Variants in AOPEP observed in about 807,000 individuals in gnomAD.
The protein encoded by AOPEP is aminopeptidase O.
In AOPEP, 77 loss-of-function variants were observed where a neutral mutation model predicts 98.1. That is an observed-to-expected ratio of 0.78 (90% CI 0.65 to 0.95). The LOEUF (loss-of-function observed/expected upper bound fraction) is 0.95, where lower values mean the gene tolerates loss of function less well. Among genes scored for constraint, AOPEP ranks in the 40% least tolerant of loss-of-function variants. The pLI, the probability that AOPEP is intolerant of heterozygous loss-of-function variation, is 0.00. For missense variants in AOPEP, 1,024 were observed against 1,024.7 expected, an observed-to-expected ratio of 1.00 and a Z score of 0.01; for synonymous variants, 346 against 365.3, an observed-to-expected ratio of 0.95 and a Z score of 0.60.
chr9:95,023,985 G>A (rs2063655032), intron 13 of AOPEP, among the ~76,000 whole-genome samples: 1 of 152,208 alleles, frequency 6.6e-6, no homozygotes, highest in African/African-American at 2.4e-5. Flanking sequence ...TTTTCAAGTA[G>A]TTAAAAGGGT....
At chr9:95,085,195 G>T (rs771535109) in intron 16 of AOPEP, 33 of 484,494 alleles carry the variant, frequency 6.8e-5, no homozygotes, top group South Asian at 4.7e-4. Context: ...AGACAGCACG[G>T]GGTGGCGCTG....
chr9:94,949,175 A>G (rs1437095310), intron 7 of AOPEP, among the ~76,000 whole-genome samples: 3 of 152,186 alleles, frequency 2.0e-5, no homozygotes, highest in Non-Finnish European at 2.9e-5. Context: ...TTTTTTCTCC[A>G]TGTGGTGTTT....
chr9:94,983,276 G>A (rs1296482123), intron 11 of AOPEP, among the ~76,000 whole-genome samples: 2 of 152,084 alleles, frequency 1.3e-5, no homozygotes, highest in African/African-American at 4.8e-5. Context: ...GCCTGCCTTG[G>A]CCTCCCGAAG....
chr9:94,965,508 G>C (rs1480496010), intron 9 of AOPEP, among the ~76,000 whole-genome samples: 2 of 152,192 alleles, frequency 1.3e-5, no homozygotes, highest in Non-Finnish European at 2.9e-5. Flanking sequence ...TGTGATGATA[G>C]AAGAAGAACA....
chr9:94,886,092 A>G (rs531478788), intron 5 of AOPEP, among the ~76,000 whole-genome samples: 2 of 152,304 alleles, frequency 1.3e-5, no homozygotes, highest in South Asian at 4.1e-4. Context: ...GGTAAAATTA[A>G]AACCACAAAG....
At chr9:95,137,724 G>C in the AOPEP span, among the ~76,000 whole-genome samples, 1 of 152,244 alleles carries the variant, frequency 6.6e-6, no homozygotes, top group Admixed American at 6.5e-5. Flanking sequence ...ACACATTTGG[G>C]TGTCAGAACC....
intron 5 of AOPEP, among the ~76,000 whole-genome samples, chr9:94,840,239 TATTA>T (rs1162710887): frequency 7.9e-5 from 12 of 152,216 alleles, no homozygotes; most frequent in African/African-American, 2.9e-4. Context: ...GCTTTTTCTG[TATTA>T]ATTGACAGGA....
At chr9:94,984,474 T>C (rs2138835695) in intron 11 of AOPEP, among the ~76,000 whole-genome samples, 1 of 152,364 alleles carries the variant, frequency 6.6e-6, no homozygotes, top group South Asian at 2.1e-4. Context: ...CAAACATTTC[T>C]GATGAAAATT....
At chr9:94,760,604 GC>G (rs1445073576) in intron 2 of AOPEP, 24 bp downstream of exon 2, 1 of 1,515,888 alleles carries the variant, frequency 6.6e-7, no homozygotes, top group Non-Finnish European at 8.8e-7. Context: ...GCACTTCAAA[GC>G]CCTGTGCCTG....
intron 6 of AOPEP, among the ~76,000 whole-genome samples, chr9:94,926,859 C>G (rs987761625): frequency 8.5e-5 from 13 of 152,232 alleles, no homozygotes; most frequent in Admixed American, 7.2e-4. Flanking sequence ...CCACCTTCCA[C>G]TCAGAGAGGC....
chr9:95,126,834 A>C, the AOPEP span: 1 of 472,610 alleles, frequency 2.1e-6, no homozygotes, highest in South Asian at 2.2e-5. Context: ...TTTCTATAAA[A>C]GCTCAGGCGA....
chr9:94,779,832 C>G lies in AOPEP; in HGVS notation c.964+6664C>G, dbSNP rs2133105739. 1.3e-5 allele frequency among the ~76,000 whole-genome samples: 2 copies of G among 152,200 alleles called. 1 individual carries two copies. Among genetic ancestry groups the G allele is most frequent in the Middle Eastern group, 6.8e-3 (2 of 294 alleles). The stretch of plus-strand genomic sequence containing the variant: ...GCCACAAAATAATCCAGTTCTCCAC[C>G]ACTTGTCTTTCATCTCCCTGTAAAC... On this transcript the variant is annotated intron_variant, in intron 3 of 16. Coordinates refer to ENST00000375315, the MANE Select transcript of AOPEP (RefSeq NM_001193329.3).
At chr9:94,818,188 C>T (rs1452782548) in intron 5 of AOPEP, among the ~76,000 whole-genome samples, 1 of 152,198 alleles carries the variant, frequency 6.6e-6, no homozygotes, top group Non-Finnish European at 1.5e-5. Context: ...ATCTCCAGAA[C>T]TCTTGTGGAT....
chr9:94,773,249 C>CTA (rs1193872614), intron 3 of AOPEP, 81 bp downstream of exon 3: 3 of 1,220,894 alleles, frequency 2.5e-6, no homozygotes, highest in Non-Finnish European at 3.4e-6. Flanking sequence ...TTTTTCTAAA[C>CTA]TTTAAAGAGC....
chr9:95,085,609 C>G (rs1255841265), intron 16 of AOPEP: 1 of 410,674 alleles, frequency 2.4e-6, no homozygotes, highest in African/African-American at 2.1e-5. Context: ...CGCTGCTGCA[C>G]AGTCAGCTTG....
At chr9:95,103,722 G>A in the AOPEP span, among the ~76,000 whole-genome samples, 7 of 152,228 alleles carry the variant, frequency 4.6e-5, no homozygotes, top group African/African-American at 1.7e-4. Context: ...AGAGGATTCC[G>A]GGACAGCCGG....
chr9:95,065,233 C>G (rs960689104), intron 14 of AOPEP: 1 of 152,240 alleles, frequency 6.6e-6, no homozygotes, highest in Non-Finnish European at 1.5e-5. Context: ...CTTAGAAGTC[C>G]TTCCTCTTGT....
chr9:94,939,097 A>T (rs963208197), intron 7 of AOPEP, among the ~76,000 whole-genome samples: 1 of 152,036 alleles, frequency 6.6e-6, no homozygotes, highest in African/African-American at 2.4e-5. Flanking sequence ...AAAATACAAA[A>T]ATTAGCTGAG....
chr9:95,071,306 A>AC (rs1466368012), intron 14 of AOPEP, among the ~76,000 whole-genome samples: 1 of 109,596 alleles, frequency 9.1e-6, no homozygotes, highest in African/African-American at 3.5e-5. Flanking sequence ...ACACACACAC[A>AC]AAAAAATGCT....
Sources: allele counts gnomAD v4.1 joint callset (sites outside exome capture counted in the v4.1 genomes callset), GRCh38; gene constraint gnomAD v4.1.1; transcripts MANE v1.5; gene names NCBI Gene and HGNC (gene_info 2026-07-23, HGNC 2026-07-21).